FAP: variants seen among roughly 807,000 people sequenced by gnomAD.
FAP encodes the protein prolyl endopeptidase FAP.
FAP carries 110 observed loss-of-function variants against 126.5 expected under a neutral mutation model. The ratio of observed to expected loss-of-function variants is 0.87; its 90% CI spans 0.74 to 1.02. The LOEUF is 1.02. FAP is among the 50% of genes least tolerant of loss of function. FAP has a pLI of 0.00. For synonymous variants in FAP, 334 were observed against 297.3 expected (o/e 1.12, Z -1.27); for missense variants, 919 against 909.2 (o/e 1.01, Z -0.14).
In FAP at chr2:162,198,854, G is replaced by A. The variant is rs905758769; in HGVS notation, c.1305C>T (p.Ser435=). Residue 435 remains serine (S), a synonymous_variant, in exon 16 of 26, where the codon AGC becomes AGT. Coordinates refer to ENST00000188790, the MANE Select transcript of FAP (RefSeq NM_004460.5). ...YRISIGSYPP[S]KKCVTCHLRK... ...TTAGATGGCAAGTAACACACTTCTTGCTTGGAGGATAGCTTCCAATGCTAA... is the reference window on the plus strand; with the variant it reads ...TTAGATGGCAAGTAACACACTTCTTACTTGGAGGATAGCTTCCAATGCTAA... 6.2e-7 allele frequency: 1 copy of A among 1,613,716 alleles called. No individual in the cohort carries two copies. Among genetic ancestry groups the A allele is most frequent in the Middle Eastern group, 1.6e-4 (1 of 6,062 alleles).
intron 12 of FAP, among the ~76,000 whole-genome samples, chr2:162,206,864 T>C (rs1164903526): frequency 6.6e-6 from 1 of 152,242 alleles, no homozygotes; most frequent in Non-Finnish European, 1.5e-5. Context: ...ACCTATTTTC[T>C]AGTTCTGTGC....
intron 11 of FAP, among the ~76,000 whole-genome samples, chr2:162,212,807 A>G (rs908479303): frequency 4.1e-4 from 63 of 152,324 alleles, no homozygotes; most frequent in Non-Finnish European, 2.8e-4. Context: ...AATATTTTGT[A>G]TCTCTTAGAT....
At chr2:162,224,401 T>A (rs1356325663) in intron 5 of FAP, 65 bp downstream of exon 5, 1 of 998,596 alleles carries the variant, frequency 1.0e-6, no homozygotes, top group Non-Finnish European at 1.5e-6. Flanking sequence ...CTCTCACTTT[T>A]TTTAAACCAC....
intron 6 of FAP, chr2:162,221,640 T>G (rs1259017464): frequency 2.2e-6 from 1 of 456,440 alleles, no homozygotes; most frequent in Admixed American, 2.4e-5. Flanking sequence ...AGTGGAATTA[T>G]CTATGCAATC....
intron 25 of FAP, chr2:162,171,319 G>A (rs1453169933): frequency 1.1e-4 from 37 of 348,790 alleles, no homozygotes; most frequent in Admixed American, 1.8e-4. Context: ...CTGAGATCTC[G>A]CATCATCCAG....
rs1376431651 is a variant in FAP, at chr2:162,210,607, A to C, written c.1003-611T>G. ...AGAGTTAGAAGATGAAGGAGAATGC[A>C]TGTTTATGAGCAAGATTTTGGAGAA... On this transcript the variant is annotated intron_variant, in intron 11 of 25. Transcript: ENST00000188790. Among the ~76,000 whole-genome samples the C allele has an allele frequency of 2.0e-5, 3 of 152,326 alleles. No homozygotes were observed. In the East Asian group the frequency reaches 5.8e-4, roughly 29 times the overall value.
intron 6 of FAP, among the ~76,000 whole-genome samples, chr2:162,220,890 C>T (rs1447779796): frequency 6.6e-6 from 1 of 152,152 alleles, no homozygotes; most frequent in Non-Finnish European, 1.5e-5. Flanking sequence ...GCAAGACCTG[C>T]CGCCCAAGCA....
chr2:162,213,863 G>A, intron 11 of FAP, 75 bp downstream of exon 11: 2 of 1,427,978 alleles, frequency 1.4e-6, no homozygotes, highest in Non-Finnish European at 9.4e-7. Flanking sequence ...AACATAAAAT[G>A]TTAGCTATGG....
intron 6 of FAP, chr2:162,221,473 C>G: frequency 3.1e-6 from 1 of 318,632 alleles, no homozygotes; most frequent in South Asian, 2.5e-5. Context: ...TGCAGTGAGC[C>G]GAGATCACAC....
intron 2 of FAP, among the ~76,000 whole-genome samples, chr2:162,235,090 C>G (rs950661068): frequency 6.6e-6 from 1 of 152,016 alleles, no homozygotes; most frequent in South Asian, 2.1e-4. Flanking sequence ...GGGCAGGGCT[C>G]GGGACCTGCA....
In FAP at chr2:162,202,899, T is replaced by C. The variant is rs1688550943; in HGVS notation, c.1196A>G (p.Asn399Ser). 2.5e-6 allele frequency: 4 copies of C among 1,613,652 alleles called. No homozygotes were observed. Among genetic ancestry groups the C allele is most frequent in the Non-Finnish European group, 3.4e-6 (4 of 1,179,688 alleles). Residue 399 changes from asparagine (N) to serine (S), a missense_variant, in exon 14 of 26, where the codon AAT (asparagine) becomes AGT (serine). Physicochemically the swap from Asn to Ser is conservative, Grantham distance 46 (BLOSUM62 1). Coordinates refer to ENST00000188790, the MANE Select transcript of FAP (RefSeq NM_004460.5). ...TGAATCCTGTGTTACTCTGAATATA[T>C]TTATGGCCTCCCACTTGCCACTTGT... ...QITSGKWEAI[N>S]IFRVTQDSLF...
chr2:162,187,452 C>T lies in FAP; in HGVS notation c.1814+717G>A, dbSNP rs549495627. ...TTCATAACATAATAATGAAACCCAA[C>T]AACTATAGAGACATGGCAAGAATTA... On this transcript the variant is annotated intron_variant, in intron 20 of 25. Transcript: ENST00000188790. Among the ~76,000 whole-genome samples the T allele has an allele frequency of 3.9e-5, 6 of 152,064 alleles. No individual in the cohort carries two copies. The South Asian group carries it at 1.2e-3, about 31-fold the overall frequency.
chr2:162,183,970 A>G (rs944746343), intron 20 of FAP, among the ~76,000 whole-genome samples: 2 of 152,126 alleles, frequency 1.3e-5, no homozygotes, highest in African/African-American at 4.8e-5. Flanking sequence ...ATACTTAGGC[A>G]TCCTCAATTC....
chr2:162,242,873 C>A (rs1435400688), intron 2 of FAP, 35 bp downstream of exon 2: 2 of 1,522,020 alleles, frequency 1.3e-6, no homozygotes, highest in Admixed American at 1.7e-5. Flanking sequence ...CCAAGCTATT[C>A]TAGGCAGATA....
chr2:162,242,874 T>C, intron 2 of FAP, 34 bp downstream of exon 2: 1 of 1,525,634 alleles, frequency 6.6e-7, no homozygotes. Context: ...CAAGCTATTC[T>C]AGGCAGATAG....
At chr2:162,180,843 G>A (rs1241067806) in intron 21 of FAP, among the ~76,000 whole-genome samples, 1 of 152,164 alleles carries the variant, frequency 6.6e-6, no homozygotes, top group African/African-American at 2.4e-5. Context: ...GAAACATGGA[G>A]CACAGAAGAG....
At chr2:162,219,969 A>C in intron 6 of FAP, 44 bp from the exon 7 acceptor site, 3 of 1,290,724 alleles carry the variant, frequency 2.3e-6, no homozygotes, top group Non-Finnish European at 3.4e-6. Context: ...CTTGCTGTTT[A>C]ATGCAAAAAA....
intron 22 of FAP, among the ~76,000 whole-genome samples, chr2:162,174,637 G>A (rs1343135733): frequency 2.0e-5 from 3 of 152,104 alleles, no homozygotes; most frequent in Admixed American, 6.6e-5. Context: ...GTTTCTGGGA[G>A]AAAATAAGAT....
In FAP at chr2:162,217,966, G is replaced by T; in HGVS notation, c.762+20C>A. 1 of 1,523,734 alleles carries T rather than the reference G, an allele frequency of 6.6e-7. No individual in the cohort carries two copies. Among genetic ancestry groups the T allele is most frequent in the Non-Finnish European group, 8.8e-7 (1 of 1,131,472 alleles). The allele number at this position is 1,523,734 out of a possible 1,614,324, so 94.4% of individuals were successfully genotyped here. ...TTGATACCAGGAAAATGAAAGCATC[G>T]CTGAAAGTATTCAACATACCTTTGG... On this transcript the variant is annotated intron_variant, in intron 9 of 25. Transcript: ENST00000188790.
Sources: allele counts gnomAD v4.1 joint callset (sites outside exome capture counted in the v4.1 genomes callset), GRCh38; gene constraint gnomAD v4.1.1; transcripts MANE v1.5; gene names NCBI Gene and HGNC (gene_info 2026-07-23, HGNC 2026-07-21).